TRMT1: variants seen among roughly 807,000 people sequenced by gnomAD.
TRMT1 encodes tRNA (guanine(26)-N(2))-dimethyltransferase.
Under a neutral mutation model 75.4 loss-of-function variants are expected in TRMT1, and 63 were observed. That is an observed-to-expected ratio of 0.84 (90% CI 0.68 to 1.03). The LOEUF is 1.03. Among genes scored for constraint, TRMT1 ranks in the 50% least tolerant of loss-of-function variants. The probability of loss-of-function intolerance (pLI) is 0.00; values close to 1 mark genes in which losing one functional copy is unlikely to be tolerated. For synonymous variants in TRMT1, 382 were observed against 358.1 expected, an observed-to-expected ratio of 1.07 and a Z score of -0.75; for missense variants, 870 against 905.3, an observed-to-expected ratio of 0.96 and a Z score of 0.50.
intron 3 of TRMT1, 113 bp downstream of exon 3, chr19:13,115,884 C>A: frequency 6.2e-7 from 1 of 1,606,868 alleles, no homozygotes; most frequent in South Asian, 1.1e-5. Context: ...AGGAGCAGAA[C>A]CCAGGGCCTG....
At chr19:13,116,592 G>A in intron 1 of TRMT1, 61 bp downstream of exon 1, 1 of 790,828 alleles carries the variant, frequency 1.3e-6, no homozygotes, top group Non-Finnish European at 1.9e-6. Flanking sequence ...TGGAGCCGAT[G>A]CCCTCGTGCA....
chr19:13,107,177 C>T (rs754378804), intron 14 of TRMT1, among the ~76,000 whole-genome samples: 8 of 151,314 alleles, frequency 5.3e-5, no homozygotes, highest in African/African-American at 4.9e-5. Context: ...CTCTGTCGCC[C>T]AGGCTGGAGT....
At chr19:13,112,627 G>A in intron 7 of TRMT1, 78 bp downstream of exon 7, 1 of 1,404,268 alleles carries the variant, frequency 7.1e-7, no homozygotes, top group Non-Finnish European at 9.8e-7. Flanking sequence ...TCTGAGGAGG[G>A]GGAAAGTGTA....
At position 13,104,978 on chromosome 19, in the gene TRMT1, G is replaced by T. The variant is rs773579799; in HGVS notation, c.1937C>A (p.Thr646Asn). The T allele has an allele frequency of 9.9e-6, 16 of 1,613,780 alleles. No homozygotes were observed. The highest frequency in any genetic ancestry group is 9.9e-5 in the South Asian group (9 of 91,086). Reference sequence around the variant, plus strand: ...AGCGGCAGCCCCAGGTCCAGGGGGGGTCTGGTTGGAGGTCTCTGGACAGTC... The same window carrying T: ...AGCGGCAGCCCCAGGTCCAGGGGGGTTCTGGTTGGAGGTCTCTGGACAGTC... ...APDCPETSNQTPPGPGAAAGP... is the reference protein window; with the variant it reads ...APDCPETSNQNPPGPGAAAGP... The change falls in exon 17 of 17, where the codon ACC (threonine) becomes AAC (asparagine). Residue 646 changes from threonine (T) to asparagine (N), a missense_variant. By Grantham distance (65) the Thr-to-Asn change is moderately conservative. Transcript: ENST00000357720.
chr19:13,115,482 G>C lies in TRMT1; in HGVS notation c.454-16C>G, dbSNP rs768222163. ...GCAGGCCTTCCTGTTGGAGTAAGCA[G>C]AAAACCTCCCTCACATCTCCACCTC... On this transcript the variant is annotated splice_polypyrimidine_tract_variant and intron_variant, in intron 4 of 16. Coordinates refer to ENST00000357720, the MANE Select transcript of TRMT1 (RefSeq NM_001136035.4). 1.9e-5 allele frequency: 31 copies of C among 1,607,994 alleles called. No homozygotes were observed. The South Asian group carries it at 3.2e-4, about 17-fold the overall frequency.
In TRMT1 at chr19:13,116,645, G is replaced by T; in HGVS notation, c.-33+8C>A. 1.8e-6 allele frequency: 1 copy of T among 558,438 alleles called. No homozygotes were observed. The highest frequency in any genetic ancestry group is 3.1e-6 in the Non-Finnish European group (1 of 317,868). 34.6% of individuals were successfully genotyped at this position (558,438 alleles called of 1,614,324 possible). A position where few individuals can be genotyped will look rare whatever the true frequency, so the allele number is the denominator to read the frequency against. On this transcript the variant is annotated splice_region_variant and intron_variant, in intron 1 of 16. Coordinates refer to ENST00000357720, the MANE Select transcript of TRMT1 (RefSeq NM_001136035.4). ...AATCCCTCCCCGCGCTGCCTAGCCC[G>T]TCCTCACCTGCTCTCGTAGCCACAG...
At chr19:13,105,232 G>A in intron 16 of TRMT1, 35 bp downstream of exon 16, 2 of 1,600,646 alleles carry the variant, frequency 1.2e-6, no homozygotes, top group Non-Finnish European at 1.7e-6. Context: ...AGACTCATGT[G>A]TCCTGCAGTG....
Position 13,110,234 on chromosome 19 carries a change from T to C in TRMT1, c.943A>G (p.Ser315Gly). The change falls in exon 8 of 17, where the codon AGC becomes GGC. Residue 315 changes from serine to glycine, a missense_variant. Physicochemically the swap from Ser to Gly is moderately conservative, Grantham distance 56 (BLOSUM62 0). Coordinates refer to ENST00000357720, the MANE Select transcript of TRMT1 (RefSeq NM_001136035.4). ...CYQRFVVPLL[S>G]ISADFYVRVF... ...CGCACGTAGAAGTCAGCGCTGATGC[T>C]GAGCAGCGGCACCACGAAGCGCTGG... 4.3e-6 allele frequency: 7 copies of C among 1,610,802 alleles called. No homozygotes were observed. The highest frequency in any genetic ancestry group is 5.1e-6 in the Non-Finnish European group (6 of 1,178,704).
intron 5 of TRMT1, 37 bp from the exon 6 acceptor site, chr19:13,113,048 G>T (rs372669345): frequency 3.3e-6 from 5 of 1,528,542 alleles, no homozygotes; most frequent in South Asian, 1.2e-5. Context: ...AGCCTCCCAC[G>T]CCAGGTACCT....
intron 1 of TRMT1, 78 bp from the exon 2 acceptor site, chr19:13,116,509 T>A (rs1568377901): frequency 1.8e-5 from 25 of 1,423,746 alleles, no homozygotes; most frequent in Non-Finnish European, 2.2e-5. Context: ...TACATATCTA[T>A]GAGGTAGGGA....
rs752612850 is a variant in TRMT1 at position 13,106,820 on chromosome 19, T to TATTTATTG, written c.1583+753_1583+754insCAATAAAT. On this transcript the variant is annotated intron_variant, in intron 14 of 16. Transcript: ENST00000357720. Reference sequence around the variant, plus strand: ...AGATTTAGTTATTTTTATTTTTATTTATTTATTTATTTATTTATTTGAGAC... The same window carrying TATTTATTG: ...AGATTTAGTTATTTTTATTTTTATTTATTTATTGATTTATTTATTTATTTATTTGAGAC... Among the ~76,000 whole-genome samples the TATTTATTG allele has an allele frequency of 2.8e-3, 421 of 148,022 alleles. 1 individual carries two copies. Among genetic ancestry groups the TATTTATTG allele is most frequent in the South Asian group, 0.01 (47 of 4,660 alleles).
rs148321811 is a variant in TRMT1 at position 13,116,031 on chromosome 19, A to G, written c.276T>C (p.Phe92=). The change falls in exon 3 of 17, where the codon TTT becomes TTC. Residue 92 remains phenylalanine, a synonymous_variant. Transcript: ENST00000357720. Reference sequence around the variant, plus strand: ...CTTTGGCCCCAAGCTGAATGCGAGCAAACTCGGTGATCACAGCACATCTGG... The same window carrying G: ...CTTTGGCCCCAAGCTGAATGCGAGCGAACTCGGTGATCACAGCACATCTGG... ...RDLTCAVITE[F]ARIQLGAKGI... The G allele has an allele frequency of 6.2e-7, 1 of 1,613,992 alleles. No individual in the cohort carries two copies. Among genetic ancestry groups the G allele is most frequent in the Non-Finnish European group, 8.5e-7 (1 of 1,180,004 alleles).
In TRMT1 at chr19:13,109,530, C is replaced by T. The variant is rs200813203; in HGVS notation, c.1311+20G>A. On this transcript the variant is annotated intron_variant, in intron 11 of 16. Coordinates refer to ENST00000357720, the MANE Select transcript of TRMT1 (RefSeq NM_001136035.4). ...CGGGCACAGGTGGAGCCCCCTTCCC[C>T]GTCACAGCCCGGCTCTCACCTCAGT... The T allele has an allele frequency of 1.0e-4, 162 of 1,613,936 alleles. 1 individual carries two copies. In the East Asian group the frequency reaches 1.2e-3, roughly 12 times the overall value.
At chr19:13,114,055 T>C (rs1057432723) in intron 5 of TRMT1, among the ~76,000 whole-genome samples, 8 of 152,258 alleles carry the variant, frequency 5.3e-5, no homozygotes, top group Non-Finnish European at 8.8e-5. Flanking sequence ...TTACTTTTCA[T>C]TGTCTGTGAT....
Position 13,115,439 on chromosome 19 carries a change from C to T in TRMT1, c.481G>A (p.Ala161Thr), listed in dbSNP as rs2019303134. The T allele has an allele frequency of 6.2e-7, 1 of 1,613,510 alleles. No individual in the cohort carries two copies. The highest frequency in any genetic ancestry group is 8.5e-7 in the Non-Finnish European group (1 of 1,179,794). ...CGAATGGAACGTAGGCCTGAAGCTG[C>T]CAGGCCTTCCAGCACATGCAGGCCT... ...EEGLHVLEGLAASGLRSIRFA... is the reference protein window; with the variant it reads ...EEGLHVLEGLTASGLRSIRFA... The change falls in exon 5 of 17, where the codon GCA becomes ACA. Residue 161 changes from alanine (A) to threonine (T), a missense_variant. Coordinates refer to ENST00000357720, the MANE Select transcript of TRMT1 (RefSeq NM_001136035.4).
At position 13,110,230 on chromosome 19, in the gene TRMT1, A is replaced by C; in HGVS notation, c.947T>G (p.Ile316Ser). 1 of 1,610,440 alleles carries C rather than the reference A, an allele frequency of 6.2e-7. No homozygotes were observed. The highest frequency in any genetic ancestry group is 8.5e-7 in the Non-Finnish European group (1 of 1,178,446). The change falls in exon 8 of 17, where the codon ATC becomes AGC. Residue 316 changes from isoleucine (I) to serine (S), a missense_variant. Coordinates refer to ENST00000357720, the MANE Select transcript of TRMT1 (RefSeq NM_001136035.4). The stretch of plus-strand genomic sequence containing the variant: ...AACACGCACGTAGAAGTCAGCGCTG[A>C]TGCTGAGCAGCGGCACCACGAAGCG... ...YQRFVVPLLSISADFYVRVFV... is the reference protein window; with the variant it reads ...YQRFVVPLLSSSADFYVRVFV...
intron 1 of TRMT1, 25 bp downstream of exon 1, chr19:13,116,628 C>A: frequency 1.6e-6 from 1 of 608,424 alleles, no homozygotes; most frequent in East Asian, 2.9e-5. Flanking sequence ...CGAATCCCTC[C>A]CCGCGCTGCC....
chr19:13,112,040 G>C (rs1445357139), intron 7 of TRMT1, among the ~76,000 whole-genome samples: 1 of 150,858 alleles, frequency 6.6e-6, no homozygotes, highest in Non-Finnish European at 1.5e-5. Flanking sequence ...TCCCAGGCTG[G>C]CGTGCAGCGG....
Position 13,109,808 on chromosome 19 carries a change from A to AG in TRMT1, c.1136dup (p.Val380CysfsTer6). 1 of 1,614,124 alleles carries AG rather than the reference A, an allele frequency of 6.2e-7. No homozygotes were observed. The highest frequency in any genetic ancestry group is 8.5e-7 in the Non-Finnish European group (1 of 1,180,006). On this transcript the variant is annotated frameshift_variant, in exon 10 of 17. Transcript: ENST00000357720. LOFTEE classifies it high-confidence loss of function. ...CACAGTGTTCACACTCGGGGGTCAC[A>AG]GGGGGACCACAGGCTGCAGAGAACT...
Sources: gnomAD v4.1 joint callset for allele counts (sites outside exome capture counted in the v4.1 genomes callset) on GRCh38, gnomAD v4.1.1 for gene constraint, MANE v1.5 for transcripts, NCBI Gene and HGNC (gene_info 2026-07-23, HGNC 2026-07-21) for gene names.